CELSR1: variants seen among roughly 807,000 people sequenced by gnomAD.
CELSR1 encodes adhesion G protein-coupled receptor C1.
In CELSR1, 110 loss-of-function variants were observed where a neutral mutation model predicts 249.1. The observed-to-expected ratio is 0.44, with a 90% CI of 0.38 to 0.52. The LOEUF (loss-of-function observed/expected upper bound fraction) is 0.52. Ranked by LOEUF, CELSR1 falls within the 20% of genes least tolerant of loss-of-function variation. The probability of loss-of-function intolerance (pLI) is 0.00; values close to 1 mark genes in which losing one functional copy is unlikely to be tolerated. For missense variants in CELSR1, 4,109 were observed against 4,296.4 expected, an observed-to-expected ratio of 0.96 and a Z score of 1.22; for synonymous variants, 2,113 against 1,900.0, an observed-to-expected ratio of 1.11 and a Z score of -2.92.
Position 46,439,954 on chromosome 22 carries a change from G to A in CELSR1, c.4184-543C>T, listed in dbSNP as rs138350667. Among the ~76,000 whole-genome samples, 474 of 147,674 alleles carry A rather than the reference G, an allele frequency of 3.2e-3. 16 individuals carry two copies. The East Asian group carries it at 0.076, about 24-fold the overall frequency. Reference sequence around the variant, plus strand: ...CTCCCACCCCTCACACAGACCCCTCGCACTGTCTGGCCACCCCTGGATTCC... The same window carrying A: ...CTCCCACCCCTCACACAGACCCCTCACACTGTCTGGCCACCCCTGGATTCC... On this transcript the variant is annotated intron_variant, in intron 2 of 34. Coordinates refer to ENST00000674500, the MANE Select transcript of CELSR1 (RefSeq NM_001378328.1).
chr22:46,503,290 C>T (rs2080483742), intron 1 of CELSR1, among the ~76,000 whole-genome samples: 1 of 152,256 alleles, frequency 6.6e-6, no homozygotes. Context: ...TCAGCCTCTG[C>T]TTCCAGCGAC....
chr22:46,420,775 A>G (rs1233372789), intron 5 of CELSR1, among the ~76,000 whole-genome samples: 1 of 151,816 alleles, frequency 6.6e-6, no homozygotes, highest in Non-Finnish European at 1.5e-5. Flanking sequence ...TGCCCTGATG[A>G]CCTTTCTGAC....
In CELSR1 at chr22:46,436,217, G is replaced by A. The variant is rs1196477721; in HGVS notation, c.4479C>T (p.Ala1493=). 1.9e-6 allele frequency: 3 copies of A among 1,613,994 alleles called. No homozygotes were observed. The highest frequency in any genetic ancestry group is 2.2e-5 in the East Asian group (1 of 44,880). The change falls in exon 4 of 35, where the codon GCC becomes GCT. Residue 1493 remains alanine (A), a synonymous_variant. Transcript: ENST00000674500. The surrounding 1 kb of genome is among the most constrained non-coding windows in gnomAD (Gnocchi z 5.9). The part of the protein sequence containing the change: ...GRFNEKHDFI[A]LEIVDEQVQL... The stretch of plus-strand genomic sequence containing the variant: ...GCACCTGCTCGTCCACGATCTCCAG[G>A]GCGATGAAGTCGTGCTTCTCATTGA...
Position 46,391,159 on chromosome 22 carries a change from C to T in CELSR1, c.6250+27G>A, listed in dbSNP as rs1442490611. The T allele has an allele frequency of 1.2e-5, 19 of 1,588,616 alleles. No individual in the cohort carries two copies. The highest frequency in any genetic ancestry group is 1.6e-5 in the Non-Finnish European group (19 of 1,160,642). On this transcript the variant is annotated intron_variant, in intron 16 of 34. Transcript: ENST00000674500. This position sits in a 1 kb window ranked among gnomAD's most constrained non-coding sequence, Gnocchi z 4.3. ...TCCCACAAGGACGCCTGCCTCAGTT[C>T]CCTACACACAGGCCACGGCGACTCA...
chr22:46,369,611 T>G (rs1602028433), intron 26 of CELSR1, 81 bp downstream of exon 26: 1 of 1,338,926 alleles, frequency 7.5e-7, no homozygotes, highest in Non-Finnish European at 1.1e-6. Flanking sequence ...GAGGAGTTGG[T>G]GGCCCCAGCC....
chr22:46,463,169 G>T (rs1310649620), intron 2 of CELSR1, among the ~76,000 whole-genome samples: 1 of 152,226 alleles, frequency 6.6e-6, no homozygotes, highest in Admixed American at 6.5e-5. Flanking sequence ...GTCGGGCAGG[G>T]AAAGTGAGTA....
At chr22:46,499,960 C>A (rs1253374966) in intron 1 of CELSR1, among the ~76,000 whole-genome samples, 1 of 152,280 alleles carries the variant, frequency 6.6e-6, no homozygotes, top group East Asian at 1.9e-4. Flanking sequence ...CACCACCCAG[C>A]GGCCGCCCCC....
At chr22:46,474,996 T>G (rs1314710137) in intron 1 of CELSR1, among the ~76,000 whole-genome samples, 1 of 152,070 alleles carries the variant, frequency 6.6e-6, no homozygotes. Flanking sequence ...ATGAGGAGCG[T>G]GTTAAAAGCT....
At chr22:46,495,874 A>T (rs4273311) in intron 1 of CELSR1, among the ~76,000 whole-genome samples, 101,339 of 151,654 alleles carry the variant, frequency 0.67, 34,966 homozygotes, top group East Asian at 0.98. Context: ...TACCATAACT[A>T]TTTTACTTTA....
In CELSR1 at chr22:46,535,312, T is replaced by G; in HGVS notation, c.1859A>C (p.Lys620Thr). 6.2e-7 allele frequency: 1 copy of G among 1,611,886 alleles called. No individual in the cohort carries two copies. Reference protein sequence around the residue: ...TFLGGGSAGPKNPAPTPDFPF... With the variant: ...TFLGGGSAGPTNPAPTPDFPF... The stretch of plus-strand genomic sequence containing the variant: ...GAAGTCAGGGGTGGGGGCAGGATTC[T>G]TAGGCCCAGCGCTGCCGCCCCCCAG... Residue 620 changes from lysine (K) to threonine (T), a missense_variant, in exon 1 of 35, where the codon AAG becomes ACG. Physicochemically the swap from Lys to Thr is moderately conservative, Grantham distance 78. Transcript: ENST00000674500.
intron 5 of CELSR1, among the ~76,000 whole-genome samples, chr22:46,416,301 G>A (rs1267448193): frequency 6.6e-6 from 1 of 152,364 alleles, no homozygotes; most frequent in African/African-American, 2.4e-5. Context: ...CCAGCACGGT[G>A]GAGGCCCCAG....
intron 5 of CELSR1, among the ~76,000 whole-genome samples, chr22:46,420,635 GCA>G (rs1240659837): frequency 3.9e-5 from 6 of 152,102 alleles, no homozygotes; most frequent in Non-Finnish European, 7.4e-5. Flanking sequence ...CACTCACCTT[GCA>G]CACAGTCTTG....
rs2079318503 is a variant in CELSR1, at chr22:46,410,362, C to T, written c.4933+36G>A. The T allele has an allele frequency of 1.3e-6, 2 of 1,599,518 alleles. No individual in the cohort carries two copies. Among genetic ancestry groups the T allele is most frequent in the Non-Finnish European group, 1.7e-6 (2 of 1,169,038 alleles). ...GCTGCCGACGTCCAGCCAGATGCCACTGCGGCAGCTCCGACGCCCTGACGG... is the reference window on the plus strand; with the variant it reads ...GCTGCCGACGTCCAGCCAGATGCCATTGCGGCAGCTCCGACGCCCTGACGG... On this transcript the variant is annotated intron_variant, in intron 7 of 34. Coordinates refer to ENST00000674500, the MANE Select transcript of CELSR1 (RefSeq NM_001378328.1). The surrounding 1 kb of genome is among the most constrained non-coding windows in gnomAD (Gnocchi z 6.8).
intron 5 of CELSR1, among the ~76,000 whole-genome samples, chr22:46,414,542 C>T (rs2079375770): frequency 6.7e-6 from 1 of 150,188 alleles, no homozygotes; most frequent in Non-Finnish European, 1.5e-5. Flanking sequence ...TAACCGTCCA[C>T]TCTCCCGCCT....
Position 46,410,710 on chromosome 22 carries a change from G to A in CELSR1, c.4770-149C>T. The A allele has an allele frequency of 5.5e-6, 4 of 726,226 alleles. No individual in the cohort carries two copies. The highest frequency in any genetic ancestry group is 1.8e-5 in the South Asian group (1 of 54,294). 45.0% of individuals were successfully genotyped at this position (726,226 alleles called of 1,614,324 possible). ...GGCGGGGAGAGGCCAAAGTCAGAGGGGGCTCCTGTGTCTGGTGCCGCCACT... is the reference window on the plus strand; with the variant it reads ...GGCGGGGAGAGGCCAAAGTCAGAGGAGGCTCCTGTGTCTGGTGCCGCCACT... On this transcript the variant is annotated intron_variant, in intron 6 of 34. Transcript: ENST00000674500. The surrounding 1 kb of genome is among the most constrained non-coding windows in gnomAD (Gnocchi z 6.8).
rs987160872 is a variant in CELSR1, at chr22:46,393,183, A to G, written c.5964+959T>C. ...GGCTCCTGTTACCCTCAGACCTAAC[A>G]TTTGGGTTTCAAGTCACTGTGAGCG... On this transcript the variant is annotated intron_variant, in intron 14 of 34. Coordinates refer to ENST00000674500, the MANE Select transcript of CELSR1 (RefSeq NM_001378328.1). This position sits in a 1 kb window ranked among gnomAD's most constrained non-coding sequence, Gnocchi z 4.1. Among the ~76,000 whole-genome samples the G allele has an allele frequency of 6.6e-6, 1 of 152,056 alleles. No homozygotes were observed. The highest frequency in any genetic ancestry group is 2.4e-5 in the African/African-American group (1 of 41,394).
chr22:46,536,169 C>A lies in CELSR1; in HGVS notation c.1002G>T (p.Ser334=), dbSNP rs745592460. The A allele has an allele frequency of 1.2e-5, 19 of 1,612,716 alleles. No individual in the cohort carries two copies. Among genetic ancestry groups the A allele is most frequent in the Non-Finnish European group, 1.6e-5 (19 of 1,180,012 alleles). The part of the protein sequence containing the change: ...KAVDYSTPPR[S]ATTYITVLVK... ...CCAAGACAGTGATGTAGGTGGTGGC[C>A]GAGCGCGGCGGCGTACTGTAGTCCA... Residue 334 remains serine, a synonymous_variant, in exon 1 of 35, where the codon TCG becomes TCT. Transcript: ENST00000674500.
At chr22:46,372,640 A>G (rs1288245878) in intron 25 of CELSR1, among the ~76,000 whole-genome samples, 1 of 151,976 alleles carries the variant, frequency 6.6e-6, no homozygotes, top group Admixed American at 6.5e-5. Flanking sequence ...TGCTGCAGAA[A>G]TAACCCTGAA....
In CELSR1 at chr22:46,433,428, G is replaced by A. The variant is rs371109251; in HGVS notation, c.4576C>T (p.Arg1526Trp). 11 of 1,613,788 alleles carry A rather than the reference G, an allele frequency of 6.8e-6. No homozygotes were observed. Among genetic ancestry groups the A allele is most frequent in the East Asian group, 2.2e-5 (1 of 44,852 alleles). Reference protein sequence around the residue: ...PKVPSGVSDGRWHSVQVQYYN... With the variant: ...PKVPSGVSDGWWHSVQVQYYN... The stretch of plus-strand genomic sequence containing the variant: ...TACTGCACCTGCACAGAGTGCCACC[G>A]CCCGTCACTCACACCACTGGGAACC... Residue 1526 changes from arginine to tryptophan, a missense_variant, in exon 5 of 35, where the codon CGG (arginine) becomes TGG (tryptophan). By Grantham distance (101) the Arg-to-Trp change is moderately radical. Transcript: ENST00000674500. This position sits in a 1 kb window ranked among gnomAD's most constrained non-coding sequence, Gnocchi z 5.7.
Sources: gnomAD v4.1 joint callset for allele counts (sites outside exome capture counted in the v4.1 genomes callset) on GRCh38, gnomAD v4.1.1 for gene constraint, Gnocchi (gnomAD v3.1) non-coding constraint, MANE v1.5 for transcripts, NCBI Gene and HGNC (gene_info 2026-07-23, HGNC 2026-07-21) for gene names.